Variants in GRIA4 observed in about 807,000 individuals in gnomAD.
GRIA4 encodes the protein glutamate receptor 4.
In GRIA4, 34 loss-of-function variants were observed where a neutral mutation model predicts 104.0. The ratio of observed to expected loss-of-function variants is 0.33; its 90% CI spans 0.25 to 0.44. GRIA4 has a LOEUF of 0.44. Among genes scored for constraint, GRIA4 ranks in the 20% least tolerant of loss-of-function variants. GRIA4 has a pLI of 1.00. For synonymous variants in GRIA4, 386 were observed against 381.9 expected (o/e 1.01, Z -0.13); for missense variants, 750 against 1,096.5 (o/e 0.68, Z 4.46).
intron 10 of GRIA4, among the ~76,000 whole-genome samples, chr11:105,917,815 G>GGTGTGTGTGTGTGT (rs147308478): frequency 8.4e-5 from 12 of 142,690 alleles, no homozygotes; most frequent in East Asian, 2.1e-4. Flanking sequence ...TTGGTTTAAG[G>GGTGTGTGTGTGTGT]GTGTGTGTGT....
chr11:105,903,085 G>T (rs1330469943), intron 7 of GRIA4, among the ~76,000 whole-genome samples: 2 of 152,134 alleles, frequency 1.3e-5, no homozygotes, highest in Non-Finnish European at 2.9e-5. Flanking sequence ...TTCTCAAAGA[G>T]AAGCAGATGG....
At chr11:105,610,625 A>AG (rs1338943366) in intron 1 of GRIA4, 197 bp downstream of exon 1, 1 of 196,136 alleles carries the variant, frequency 5.1e-6, no homozygotes, top group Admixed American at 5.6e-5. Flanking sequence ...TGAGAAAGCA[A>AG]GGGGCGAGCG....
At chr11:105,650,039 T>C (rs1951642210) in intron 3 of GRIA4, among the ~76,000 whole-genome samples, 1 of 152,112 alleles carries the variant, frequency 6.6e-6, no homozygotes, top group South Asian at 2.1e-4. Context: ...ATGTGTATAA[T>C]ATAATTTCAA....
chr11:105,788,292 T>C (rs1942063779), intron 4 of GRIA4, among the ~76,000 whole-genome samples: 1 of 152,180 alleles, frequency 6.6e-6, no homozygotes, highest in South Asian at 2.1e-4. Flanking sequence ...TTATACACTG[T>C]TGGTGGAAAT....
intron 3 of GRIA4, among the ~76,000 whole-genome samples, chr11:105,669,622 TG>T (rs1221463397): frequency 1.3e-5 from 2 of 152,128 alleles, no homozygotes; most frequent in Admixed American, 1.3e-4. Context: ...TCACACTTTG[TG>T]GTTTACCTGT....
intron 3 of GRIA4, among the ~76,000 whole-genome samples, chr11:105,735,095 C>T (rs1308978996): frequency 6.6e-6 from 1 of 151,950 alleles, no homozygotes; most frequent in East Asian, 1.9e-4. Context: ...ATACAATACG[C>T]AAATCAGCAT....
intron 14 of GRIA4, among the ~76,000 whole-genome samples, chr11:105,950,566 T>A (rs1948432499): frequency 6.6e-6 from 1 of 152,138 alleles, no homozygotes; most frequent in Non-Finnish European, 1.5e-5. Flanking sequence ...AAAGACATTT[T>A]AACTTTGGAA....
At chr11:105,906,183 T>A (rs1294811311) in intron 9 of GRIA4, among the ~76,000 whole-genome samples, 1 of 152,246 alleles carries the variant, frequency 6.6e-6, no homozygotes, top group Admixed American at 6.5e-5. Flanking sequence ...CTTGGTGCTT[T>A]GCATGATTCC....
chr11:105,684,844 G>A (rs912068595), intron 3 of GRIA4, among the ~76,000 whole-genome samples: 1 of 151,582 alleles, frequency 6.6e-6, no homozygotes, highest in Non-Finnish European at 1.5e-5. Flanking sequence ...ATCTCATGAT[G>A]AAAGTGGGTT....
chr11:105,751,029 A>G (rs1247844263), intron 3 of GRIA4, among the ~76,000 whole-genome samples: 1 of 152,186 alleles, frequency 6.6e-6, no homozygotes, highest in Admixed American at 6.5e-5. Context: ...TTATATGCAT[A>G]AGTTAAAGTA....
chr11:105,910,053 T>C (rs1288398076), intron 9 of GRIA4, among the ~76,000 whole-genome samples: 1 of 152,130 alleles, frequency 6.6e-6, no homozygotes, highest in Admixed American at 6.6e-5. Flanking sequence ...CCCTTTACTA[T>C]ACAACCTGTA....
intron 3 of GRIA4, among the ~76,000 whole-genome samples, chr11:105,681,375 A>G (rs1458363507): frequency 6.6e-6 from 1 of 152,162 alleles, no homozygotes; most frequent in African/African-American, 2.4e-5. Flanking sequence ...TTCCTTTTTT[A>G]TATTTGTGAA....
At chr11:105,882,226 G>C (rs151012496) in intron 5 of GRIA4, among the ~76,000 whole-genome samples, 60 of 152,200 alleles carry the variant, frequency 3.9e-4, no homozygotes, top group Non-Finnish European at 6.0e-4. Context: ...TCTGGAACAT[G>C]AAAACAACGG....
At chr11:105,794,844 T>C (rs1369570004) in intron 4 of GRIA4, among the ~76,000 whole-genome samples, 2 of 151,924 alleles carry the variant, frequency 1.3e-5, no homozygotes, top group Non-Finnish European at 2.9e-5. Flanking sequence ...ATTTAAATTA[T>C]GAATATAGGC....
Position 105,979,668 on chromosome 11 carries a change from A to G in GRIA4, c.2638A>G (p.Lys880Glu), listed in dbSNP as rs754739532. 6.8e-6 allele frequency: 11 copies of G among 1,613,774 alleles called. No individual in the cohort carries two copies. Among genetic ancestry groups the G allele is most frequent in the African/African-American group, 1.3e-5 (1 of 75,064 alleles). The change falls in exon 17 of 17, where the codon AAG (lysine) becomes GAG (glutamate). Residue 880 changes from lysine (K) to glutamate (E), a missense_variant. Lys to Glu is a moderately conservative substitution (Grantham distance 56). Transcript: ENST00000282499. ...NGRVLTPDCPKAVHTGTAIRQ... is the reference protein window; with the variant it reads ...NGRVLTPDCPEAVHTGTAIRQ... Reference sequence around the variant, plus strand: ...CCGCGTCTTGACGCCTGACTGCCCAAAGGCTGTACACACTGGAACTGCAAT... The same window carrying G: ...CCGCGTCTTGACGCCTGACTGCCCAGAGGCTGTACACACTGGAACTGCAAT...
At position 105,980,449 on chromosome 11, in the gene GRIA4, T is replaced by A. The variant is rs897687797; in HGVS notation, c.*710T>A. 2.6e-5 allele frequency: 4 copies of A among 152,630 alleles called. No individual in the cohort carries two copies. The highest frequency in any genetic ancestry group is 7.2e-5 in the African/African-American group (3 of 41,434). The allele number at this position is 152,630 out of a possible 1,614,324, so 9.5% of individuals were successfully genotyped here. ...GTAATAAACTTTAGAGACTTTTTTT[T>A]ATAAAAGTTGTTGGTCATCTTCTTG... On this transcript the variant is annotated 3_prime_UTR_variant, in exon 17 of 17. Coordinates refer to ENST00000282499, the MANE Select transcript of GRIA4 (RefSeq NM_000829.4).
chr11:105,886,673 C>G (rs1258212263), intron 5 of GRIA4, among the ~76,000 whole-genome samples: 1 of 151,894 alleles, frequency 6.6e-6, no homozygotes, highest in Non-Finnish European at 1.5e-5. Context: ...ATGAACGTAC[C>G]TGAAAATTGT....
At chr11:105,964,890 T>C (rs1246366173) in intron 14 of GRIA4, among the ~76,000 whole-genome samples, 3 of 151,868 alleles carry the variant, frequency 2.0e-5, no homozygotes, top group Non-Finnish European at 4.4e-5. Flanking sequence ...CACTGCAACC[T>C]TTGCCTCCCA....
intron 14 of GRIA4, chr11:105,965,885 C>T (rs555465443): frequency 1.7e-6 from 2 of 1,150,988 alleles, no homozygotes; most frequent in South Asian, 1.3e-5. Flanking sequence ...CTTAAGTCCT[C>T]ATTCCTTCTA....
Sources: allele counts gnomAD v4.1 joint callset (sites outside exome capture counted in the v4.1 genomes callset), GRCh38; gene constraint gnomAD v4.1.1; transcripts MANE v1.5; gene names NCBI Gene and HGNC (gene_info 2026-07-23, HGNC 2026-07-21).